The following BRINP3 variants were observed in gnomAD, a reference collection of about 807,000 sequenced individuals.
BRINP3 encodes the protein BMP/retinoic acid inducible neural specific 3, also known as BMP/retinoic acid-inducible neural-specific protein 3.
BRINP3 carries 19 observed loss-of-function variants against 71.0 expected under a neutral mutation model. The observed-to-expected ratio is 0.27, with a 90% CI of 0.19 to 0.39. The LOEUF (loss-of-function observed/expected upper bound fraction) is 0.39. Ranked by LOEUF, BRINP3 falls within the 10% of genes least tolerant of loss-of-function variation. BRINP3 has a pLI of 1.00. For missense variants in BRINP3, 959 were observed against 940.8 expected (o/e 1.02, Z -0.25); for synonymous variants, 380 against 337.7 (o/e 1.13, Z -1.37).
rs565056335 is a variant in BRINP3, at chr1:190,241,862, T to G, written c.619-7385A>C. 2.0e-5 allele frequency among the ~76,000 whole-genome samples: 3 copies of G among 151,814 alleles called. No individual in the cohort carries two copies. In the East Asian group the frequency reaches 5.8e-4, roughly 30 times the overall value. On this transcript the variant is annotated intron_variant, in intron 4 of 7. Transcript: ENST00000367462. ...AACAAAATGCTTTATAAAATTTTGA[T>G]GTTAAAAAATAAGAAAATATATATT...
chr1:190,360,133 CT>C (rs1442841527), intron 2 of BRINP3, among the ~76,000 whole-genome samples: 1 of 152,130 alleles, frequency 6.6e-6, no homozygotes, highest in Admixed American at 6.6e-5. Context: ...TATTCAGATT[CT>C]TTTCAAAGCC....
chr1:190,262,864 C>G (rs1033720714), intron 4 of BRINP3, among the ~76,000 whole-genome samples: 1 of 151,990 alleles, frequency 6.6e-6, no homozygotes, highest in Non-Finnish European at 1.5e-5. Context: ...CTGTATATAA[C>G]AGTATGCCTC....
chr1:190,289,324 A>AT (rs1257872198), intron 2 of BRINP3, among the ~76,000 whole-genome samples: 1 of 151,866 alleles, frequency 6.6e-6, no homozygotes, highest in African/African-American at 2.4e-5. Flanking sequence ...ATGTTAGATG[A>AT]TTTTTCCCAC....
chr1:190,318,912 A>G (rs1328199628), intron 2 of BRINP3, among the ~76,000 whole-genome samples: 1 of 152,028 alleles, frequency 6.6e-6, no homozygotes, highest in Non-Finnish European at 1.5e-5. Flanking sequence ...GTAGATCTAT[A>G]TATTTTGTTC....
intron 2 of BRINP3, among the ~76,000 whole-genome samples, chr1:190,384,729 T>C (rs1670773267): frequency 6.6e-6 from 1 of 151,922 alleles, no homozygotes; most frequent in African/African-American, 2.4e-5. Context: ...ATTAATTCAC[T>C]CAAAATTATA....
In BRINP3 at chr1:190,098,379, T is replaced by A; in HGVS notation, c.1940A>T (p.Glu647Val). 1 of 1,614,160 alleles carries A rather than the reference T, an allele frequency of 6.2e-7. No individual in the cohort carries two copies. Among genetic ancestry groups the A allele is most frequent in the African/African-American group, 1.3e-5 (1 of 75,042 alleles). ...GPNGNESIYYEPLEFIDPSRN... is the reference protein window; with the variant it reads ...GPNGNESIYYVPLEFIDPSRN... Reference sequence around the variant, plus strand: ...GGAAGGGTCAATAAACTCCAGAGGTTCATAGTAAATGCTCTCATTACCATT... The same window carrying A: ...GGAAGGGTCAATAAACTCCAGAGGTACATAGTAAATGCTCTCATTACCATT... Residue 647 changes from glutamate to valine, a missense_variant, in exon 8 of 8, where the codon GAA becomes GTA. Physicochemically the swap from Glu to Val is moderately radical, Grantham distance 121. Coordinates refer to ENST00000367462, the MANE Select transcript of BRINP3 (RefSeq NM_199051.3).
In BRINP3 at chr1:190,226,297, T is replaced by C. The variant is rs1452551497; in HGVS notation, c.746A>G (p.Asp249Gly). 2.5e-6 allele frequency: 4 copies of C among 1,600,488 alleles called. No homozygotes were observed. Among genetic ancestry groups the C allele is most frequent in the Non-Finnish European group, 3.4e-6 (4 of 1,172,968 alleles). Residue 249 changes from aspartate to glycine, a missense_variant, in exon 6 of 8, where the codon GAC (aspartate) becomes GGC (glycine). Transcript: ENST00000367462. Reference sequence around the variant, plus strand: ...TTGTACAAAACGTTCCTGAAGATAGTCTGGGAGAAGTACTTGAAGCCCTTG... The same window carrying C: ...TTGTACAAAACGTTCCTGAAGATAGCCTGGGAGAAGTACTTGAAGCCCTTG... ...QLQGLQVLLP[D>G]YLQERFVQAA... is the part of the protein sequence containing the mutation.
chr1:190,120,549 G>A (rs1653554395), intron 7 of BRINP3, among the ~76,000 whole-genome samples: 1 of 151,898 alleles, frequency 6.6e-6, no homozygotes, highest in Non-Finnish European at 1.5e-5. Context: ...AGGCTAGAGT[G>A]CAGTGGTGCA....
At chr1:190,389,459 T>C (rs1473241457) in intron 2 of BRINP3, among the ~76,000 whole-genome samples, 1 of 151,894 alleles carries the variant, frequency 6.6e-6, no homozygotes, top group Non-Finnish European at 1.5e-5. Flanking sequence ...TGTATTCCCT[T>C]ACAAATAATT....
At chr1:190,148,282 C>T (rs973505278) in intron 7 of BRINP3, among the ~76,000 whole-genome samples, 1 of 151,910 alleles carries the variant, frequency 6.6e-6, no homozygotes, top group Admixed American at 6.6e-5. Context: ...CTCACCCATG[C>T]TCTTCATGAA....
At chr1:190,357,118 C>T (rs1230168890) in intron 2 of BRINP3, among the ~76,000 whole-genome samples, 1 of 151,914 alleles carries the variant, frequency 6.6e-6, no homozygotes, top group African/African-American at 2.4e-5. Context: ...ACTTTCATGA[C>T]CAAACTTCTA....
At chr1:190,217,411 A>G (rs986445480) in intron 6 of BRINP3, among the ~76,000 whole-genome samples, 2 of 151,970 alleles carry the variant, frequency 1.3e-5, no homozygotes, top group African/African-American at 4.8e-5. Flanking sequence ...GCTCTTTCAT[A>G]TATCTTACTA....
chr1:190,181,451 T>C (rs1454383661), intron 6 of BRINP3, among the ~76,000 whole-genome samples: 1 of 152,058 alleles, frequency 6.6e-6, no homozygotes, highest in Admixed American at 6.6e-5. Flanking sequence ...TTCCTTGTTT[T>C]TGCTTTCCGT....
At chr1:190,103,781 A>G (rs1651903169) in intron 7 of BRINP3, among the ~76,000 whole-genome samples, 1 of 151,994 alleles carries the variant, frequency 6.6e-6, no homozygotes, top group African/African-American at 2.4e-5. Context: ...AAATTTATAA[A>G]CTGTAGTAGA....
chr1:190,226,364 A>C, intron 5 of BRINP3, 46 bp from the exon 6 acceptor site: 1 of 1,106,694 alleles, frequency 9.0e-7, no homozygotes, highest in Non-Finnish European at 1.3e-6. Flanking sequence ...TTGTTAAAGA[A>C]AAAATTAAAA....
intron 7 of BRINP3, among the ~76,000 whole-genome samples, chr1:190,117,355 T>C (rs1473606301): frequency 6.6e-6 from 1 of 152,020 alleles, no homozygotes; most frequent in Non-Finnish European, 1.5e-5. Context: ...ATGGCTAATA[T>C]TAAGGAGCCT....
intron 2 of BRINP3, among the ~76,000 whole-genome samples, chr1:190,368,167 C>T (rs192854940): frequency 1.1e-3 from 165 of 152,138 alleles, no homozygotes; most frequent in African/African-American, 3.1e-3. Context: ...TGCAAAGTTC[C>T]GCATAACTGG....
At chr1:190,184,657 C>A (rs1355373067) in intron 6 of BRINP3, among the ~76,000 whole-genome samples, 2 of 152,070 alleles carry the variant, frequency 1.3e-5, no homozygotes, top group Non-Finnish European at 2.9e-5. Flanking sequence ...TGTCTTCTCA[C>A]GTATAGACGT....
intron 2 of BRINP3, among the ~76,000 whole-genome samples, chr1:190,442,425 T>C (rs1377430165): frequency 6.6e-6 from 1 of 152,182 alleles, no homozygotes; most frequent in East Asian, 1.9e-4. Context: ...CTAATATCTG[T>C]TTAAATGAGC....
Sources: allele counts gnomAD v4.1 joint callset (sites outside exome capture counted in the v4.1 genomes callset), GRCh38; gene constraint gnomAD v4.1.1; transcripts MANE v1.5; gene names NCBI Gene and HGNC (gene_info 2026-07-23, HGNC 2026-07-21).